EIF3F: variants seen among roughly 807,000 people sequenced by gnomAD.
EIF3F encodes deubiquitinating enzyme eIF3f.
In EIF3F, 8 loss-of-function variants were observed where a neutral mutation model predicts 36.0. The observed-to-expected ratio is 0.22, with a 90% CI of 0.13 to 0.40. EIF3F has a LOEUF of 0.40. Among genes scored for constraint, EIF3F ranks in the 10% least tolerant of loss-of-function variants. EIF3F has a pLI of 1.00. For synonymous variants in EIF3F, 184 were observed against 188.5 expected (o/e 0.98, Z 0.19); for missense variants, 430 against 467.6 (o/e 0.92, Z 0.74).
At chr11:7,992,236 C>A (rs2133670673) in intron 3 of EIF3F, 73 bp downstream of exon 3, 1 of 1,301,592 alleles carries the variant, frequency 7.7e-7, no homozygotes, top group Non-Finnish European at 1.1e-6. Context: ...TGCTACTGGA[C>A]TGGATCTTAT....
chr11:7,992,290 C>A, intron 3 of EIF3F, 127 bp downstream of exon 3: 1 of 837,278 alleles, frequency 1.2e-6, no homozygotes, highest in East Asian at 2.7e-5. Flanking sequence ...GTATTACTGA[C>A]TGTGAGCAGT....
At chr11:7,990,614 G>A (rs773118670) in intron 1 of EIF3F, among the ~76,000 whole-genome samples, 1 of 152,196 alleles carries the variant, frequency 6.6e-6, no homozygotes, top group Admixed American at 6.5e-5. Flanking sequence ...AAGTGGTCAA[G>A]TCTGTTCAAC....
Position 7,992,876 on chromosome 11 carries a change from C to G in EIF3F, c.516-11C>G, listed in dbSNP as rs781150083. 6.2e-7 allele frequency: 1 copy of G among 1,613,802 alleles called. No individual in the cohort carries two copies. ...ATAGACAGGAGTCCACCACTGTGTTCCATTTCACAGGTACGCTACGGGCCA... is the reference window on the plus strand; with the variant it reads ...ATAGACAGGAGTCCACCACTGTGTTGCATTTCACAGGTACGCTACGGGCCA... On this transcript the variant is annotated splice_polypyrimidine_tract_variant and intron_variant, in intron 3 of 7. Coordinates refer to ENST00000651655, the MANE Select transcript of EIF3F (RefSeq NM_003754.3).
intron 1 of EIF3F, 199 bp downstream of exon 1, chr11:7,987,915 T>G (rs1942047480): frequency 2.7e-6 from 2 of 736,270 alleles, no homozygotes; most frequent in South Asian, 4.7e-5. Flanking sequence ...CTCTCTCTCC[T>G]GCCGGATTGC....
At position 7,998,309 on chromosome 11, in the gene EIF3F, T is replaced by C. The variant is rs895821864; in HGVS notation, c.*2287T>C. ...CACCTTAGTATATATGGTTGACCCA[T>C]TAACACTGAACTTAGCCCACGACAC... On this transcript the variant is annotated 3_prime_UTR_variant, in exon 8 of 8. Transcript: ENST00000651655. The C allele has an allele frequency of 2.3e-4, 35 of 152,334 alleles. No homozygotes were observed. Among genetic ancestry groups the C allele is most frequent in the African/African-American group, 8.2e-4 (34 of 41,576 alleles). The allele number at this position is 152,334 out of a possible 1,614,324, so 9.4% of individuals were successfully genotyped here.
chr11:7,989,679 A>G (rs908375666), intron 1 of EIF3F, among the ~76,000 whole-genome samples: 1 of 152,232 alleles, frequency 6.6e-6, no homozygotes, highest in African/African-American at 2.4e-5. Context: ...AAATGTTCCA[A>G]TAGAAGGGTG....
At chr11:7,991,496 T>C (rs559664592) in intron 1 of EIF3F, among the ~76,000 whole-genome samples, 18 of 151,952 alleles carry the variant, frequency 1.2e-4, no homozygotes, top group Non-Finnish European at 4.4e-5. Context: ...AGAGTGAAGG[T>C]CTGGAATAGG....
chr11:7,991,302 A>T (rs1180868765), intron 1 of EIF3F, among the ~76,000 whole-genome samples: 1 of 152,218 alleles, frequency 6.6e-6, no homozygotes, highest in Admixed American at 6.5e-5. Context: ...TTTCTGGATG[A>T]TGATAAGGTT....
At chr11:7,993,273 G>A (rs544053323) in intron 4 of EIF3F, among the ~76,000 whole-genome samples, 157 of 152,308 alleles carry the variant, frequency 1.0e-3, no homozygotes, top group African/African-American at 3.6e-3. Flanking sequence ...AAGCTGTCAA[G>A]TCATCTTTTG....
intron 2 of EIF3F, 69 bp downstream of exon 2, chr11:7,991,920 C>A (rs1942100697): frequency 8.3e-6 from 13 of 1,566,316 alleles, no homozygotes; most frequent in Non-Finnish European, 1.1e-5. Context: ...CCTCACGGTC[C>A]CTCCCACACT....
Sources: gnomAD v4.1 joint callset for allele counts (sites outside exome capture counted in the v4.1 genomes callset) on GRCh38, gnomAD v4.1.1 for gene constraint, MANE v1.5 for transcripts, NCBI Gene and HGNC (gene_info 2026-07-23, HGNC 2026-07-21) for gene names.